The following TTC3 variants were observed in gnomAD, a reference collection of about 807,000 sequenced individuals.
TTC3 encodes the protein tetratricopeptide repeat domain 3, also known as E3 ubiquitin-protein ligase TTC3.
Under a neutral mutation model 249.6 loss-of-function variants are expected in TTC3, and 180 were observed. That is an observed-to-expected ratio of 0.72 (90% CI 0.64 to 0.82). The LOEUF (loss-of-function observed/expected upper bound fraction) is 0.82, where lower values mean the gene tolerates loss of function less well. TTC3 is among the 40% of genes least tolerant of loss of function. The pLI is 0.00. For missense variants in TTC3, 2,061 were observed against 2,398.4 expected (o/e 0.86, Z 2.94); for synonymous variants, 717 against 805.0 (o/e 0.89, Z 1.85).
chr21:37,197,214 C>G (rs1255456851), intron 42 of TTC3, among the ~76,000 whole-genome samples: 2 of 152,146 alleles, frequency 1.3e-5, no homozygotes, highest in African/African-American at 2.4e-5. Context: ...CAGGCCGAGG[C>G]AGGTGGATCA....
At chr21:37,152,267 A>G (rs1233884255) in intron 26 of TTC3, among the ~76,000 whole-genome samples, 2 of 152,198 alleles carry the variant, frequency 1.3e-5, no homozygotes. Context: ...ATTGTATTTT[A>G]ACTTTCTGTG....
intron 1 of TTC3, among the ~76,000 whole-genome samples, chr21:37,074,515 T>G (rs898510582): frequency 6.6e-6 from 1 of 152,148 alleles, no homozygotes; most frequent in African/African-American, 2.4e-5. Context: ...ATTTAATGGT[T>G]TATAGAGTAT....
intron 1 of TTC3, among the ~76,000 whole-genome samples, chr21:37,081,345 T>C (rs2071627793): frequency 6.6e-6 from 1 of 152,106 alleles, no homozygotes; most frequent in Non-Finnish European, 1.5e-5. Context: ...CTTGATCTCT[T>C]GACCTCGTGA....
exon 1 of TTC3, chr21:37,073,293 AGGTGGC>A (rs1347921676): frequency 1.9e-5 from 5 of 266,070 alleles, no homozygotes; most frequent in African/African-American, 1.0e-4. Context: ...GGAGGGCCGG[AGGTGGC>A]GGCGGCGGCG....
intron 1 of TTC3, chr21:37,083,399 T>G: frequency 8.1e-6 from 8 of 985,402 alleles, no homozygotes; most frequent in Non-Finnish European, 9.6e-6. Flanking sequence ...GATCAGAGTT[T>G]TAGAGGATGC....
At chr21:37,103,098 G>A (rs59637309) in intron 10 of TTC3, among the ~76,000 whole-genome samples, 68,977 of 152,006 alleles carry the variant, frequency 0.45, 16,205 homozygotes, top group Non-Finnish European at 0.52. Flanking sequence ...TCATCATCTG[G>A]GGATGTTAGC....
rs558538093 is a variant in TTC3 at position 37,149,870 on chromosome 21, C to G, written c.2119-208C>G. 1.1e-3 allele frequency among the ~76,000 whole-genome samples: 165 copies of G among 152,294 alleles called. 1 individual carries two copies. The highest frequency in any genetic ancestry group is 3.6e-3 in the African/African-American group (149 of 41,568). On this transcript the variant is annotated intron_variant, in intron 23 of 45. Coordinates refer to ENST00000355666, the Ensembl canonical transcript of TTC3. Reference sequence around the variant, plus strand: ...ACTTTGCATTGATGAAAACAAGTCACATGGTCAGACCCACACCTGAAAGTA... The same window carrying G: ...ACTTTGCATTGATGAAAACAAGTCAGATGGTCAGACCCACACCTGAAAGTA...
intron 5 of TTC3, among the ~76,000 whole-genome samples, chr21:37,089,565 G>C (rs1056775895): frequency 1.3e-5 from 2 of 152,072 alleles, no homozygotes; most frequent in Admixed American, 6.5e-5. Flanking sequence ...CCATGCTGGA[G>C]TGCAGTGACG....
At chr21:37,095,830 A>G (rs941821668) in intron 9 of TTC3, among the ~76,000 whole-genome samples, 1 of 152,200 alleles carries the variant, frequency 6.6e-6, no homozygotes, top group Non-Finnish European at 1.5e-5. Context: ...TTGCTTTCTA[A>G]GAGGGAACTT....
chr21:37,138,615 G>T lies in TTC3; in HGVS notation c.1579-19G>T, dbSNP rs1363569062. On this transcript the variant is annotated intron_variant, in intron 18 of 45. Coordinates refer to ENST00000355666, the Ensembl canonical transcript of TTC3. Reference sequence around the variant, plus strand: ...CAGAATTATATTCAGATTTTTAACTGAGGCATTTTTATTGACAGCAATTGA... The same window carrying T: ...CAGAATTATATTCAGATTTTTAACTTAGGCATTTTTATTGACAGCAATTGA... 1.3e-6 allele frequency: 2 copies of T among 1,598,672 alleles called. No homozygotes were observed. Among genetic ancestry groups the T allele is most frequent in the Non-Finnish European group, 1.7e-6 (2 of 1,167,934 alleles).
rs112195655 is a variant in TTC3, at chr21:37,170,791, T to A, written c.4468-1804T>A. ...ATATAGAGTTCTTAAATTTTTTAAA[T>A]GAATAATACCAAAAATTATGAAAGA... On this transcript the variant is annotated intron_variant, in intron 34 of 45. Coordinates refer to ENST00000355666, the Ensembl canonical transcript of TTC3. 5.4e-3 allele frequency among the ~76,000 whole-genome samples: 820 copies of A among 152,286 alleles called. 9 individuals are homozygous for A. The highest frequency in any genetic ancestry group is 0.019 in the African/African-American group (774 of 41,562).
At chr21:37,088,916 CCCTTGGTTT>C (rs779964398) in intron 5 of TTC3, 30 bp downstream of exon 5, 39 of 1,589,768 alleles carry the variant, frequency 2.5e-5, no homozygotes, top group Middle Eastern at 3.3e-4. Flanking sequence ...TTCCCCCGAG[CCCTTGGTTT>C]AAATAATATA....
chr21:37,112,371 C>T (rs562090291), intron 11 of TTC3, among the ~76,000 whole-genome samples: 55 of 152,258 alleles, frequency 3.6e-4, no homozygotes, highest in Admixed American at 3.9e-4. Context: ...CATCACTGAT[C>T]CCATGGAAAT....
chr21:37,124,749 T>G lies in TTC3; in HGVS notation c.1233+7T>G. 1 of 1,609,796 alleles carries G rather than the reference T, an allele frequency of 6.2e-7. No individual in the cohort carries two copies. The highest frequency in any genetic ancestry group is 1.4e-5 in the African/African-American group (1 of 73,428). On this transcript the variant is annotated splice_region_variant and intron_variant, in intron 14 of 45. Coordinates refer to ENST00000355666, the Ensembl canonical transcript of TTC3. ...TGGTAATCAGAATCTAAAGGTAAGCTCCATTGAAAACTACAGTTTTTTTCA... is the reference window on the plus strand; with the variant it reads ...TGGTAATCAGAATCTAAAGGTAAGCGCCATTGAAAACTACAGTTTTTTTCA...
chr21:37,154,026 C>A (rs989987586), intron 27 of TTC3, among the ~76,000 whole-genome samples: 29 of 152,226 alleles, frequency 1.9e-4, no homozygotes, highest in African/African-American at 6.8e-4. Flanking sequence ...CTAAAGCAGG[C>A]GCTTTGCCTA....
chr21:37,138,811 T>G, intron 19 of TTC3, 97 bp downstream of exon 19: 1 of 732,208 alleles, frequency 1.4e-6, no homozygotes. Context: ...TCTCTGTACC[T>G]TCTGATAATT....
intron 1 of TTC3, among the ~76,000 whole-genome samples, chr21:37,081,115 T>C (rs2071587433): frequency 7.6e-6 from 1 of 131,758 alleles, no homozygotes; most frequent in Non-Finnish European, 1.6e-5. Flanking sequence ...ATGCCTTTTT[T>C]TTTTTTTTTT....
intron 11 of TTC3, among the ~76,000 whole-genome samples, chr21:37,118,093 T>G (rs1325799438): frequency 6.7e-6 from 1 of 148,872 alleles, no homozygotes; most frequent in Non-Finnish European, 1.5e-5. Context: ...TTTTAAAAAT[T>G]TGGTAACTAC....
chr21:37,074,612 C>T (rs1454690342), intron 1 of TTC3, among the ~76,000 whole-genome samples: 1 of 152,134 alleles, frequency 6.6e-6, no homozygotes, highest in African/African-American at 2.4e-5. Flanking sequence ...TTTTACTCCT[C>T]CGGAGAGAGC....
Sources: gnomAD v4.1 joint callset for allele counts (sites outside exome capture counted in the v4.1 genomes callset) on GRCh38, gnomAD v4.1.1 for gene constraint, MANE v1.5 for transcripts, NCBI Gene and HGNC (gene_info 2026-07-23, HGNC 2026-07-21) for gene names.